Variants in PFN2 observed in about 807,000 individuals in gnomAD.
PFN2 encodes the protein profilin 2, also known as profilin-2.
A neutral mutation model predicts 15.3 loss-of-function variants in PFN2; 8 were observed. The ratio of observed to expected loss-of-function variants is 0.52; its 90% CI spans 0.31 to 0.95. The LOEUF is 0.95. Ranked by LOEUF, PFN2 falls within the 40% of genes least tolerant of loss-of-function variation. The pLI, the probability that PFN2 is intolerant of heterozygous loss-of-function variation, is 0.05. For missense variants in PFN2, 111 were observed against 182.3 expected (o/e 0.61, Z 2.25); for synonymous variants, 79 against 67.9 (o/e 1.16, Z -0.81).
rs1722680387 is a variant in PFN2, at chr3:149,966,022, T to C, written c.*467A>G. 16 of 1,475,930 alleles carry C rather than the reference T, an allele frequency of 1.1e-5. No homozygotes were observed. The highest frequency in any genetic ancestry group is 1.3e-5 in the Non-Finnish European group (15 of 1,118,474). The allele number at this position is 1,475,930 out of a possible 1,614,324, so 91.4% of individuals were successfully genotyped here. A position where few individuals can be genotyped will look rare whatever the true frequency, so the allele number is the denominator to read the frequency against. On this transcript the variant is annotated 3_prime_UTR_variant, in exon 3 of 3. Transcript: ENST00000239940. ...GGTTGGTTACATACAGTGGTTAACA[T>C]ACAAATGATCCATTGGGCAAACAGG...
intron 1 of PFN2, chr3:149,970,503 G>A (rs1284097947): frequency 2.3e-5 from 8 of 344,704 alleles, no homozygotes; most frequent in South Asian, 1.4e-4. Context: ...GGCCAGCAAG[G>A]AGTCCGGCCG....
In PFN2 at chr3:149,967,169, A is replaced by C. The variant is rs182813427; in HGVS notation, c.326-583T>G. 1.1e-3 allele frequency among the ~76,000 whole-genome samples: 170 copies of C among 152,270 alleles called. 2 individuals are homozygous for C. The East Asian group carries it at 0.016, about 14-fold the overall frequency. ...ACTTCACCGTAGTAGCCTTGTTTTT[A>C]ATTGCGTCTAAAAAAATAGGTTTAC... On this transcript the variant is annotated intron_variant, in intron 2 of 2. Coordinates refer to ENST00000239940, the MANE Select transcript of PFN2 (RefSeq NM_053024.4).
In PFN2 at chr3:149,966,436, C is replaced by G; in HGVS notation, c.*53G>C. 1 of 1,605,108 alleles carries G rather than the reference C, an allele frequency of 6.2e-7. No individual in the cohort carries two copies. Among genetic ancestry groups the G allele is most frequent in the South Asian group, 1.1e-5 (1 of 89,148 alleles). The stretch of plus-strand genomic sequence containing the variant: ...CCAGAATTAAGACTTAAGCTTATAG[C>G]TAGGAAAGTTTAAGAGCAATTTTCC... On this transcript the variant is annotated 3_prime_UTR_variant, in exon 3 of 3. Coordinates refer to ENST00000239940, the MANE Select transcript of PFN2 (RefSeq NM_053024.4).
chr3:149,970,711 C>T lies in PFN2; in HGVS notation c.132+14G>A, dbSNP rs771635643. The T allele has an allele frequency of 2.3e-4, 340 of 1,499,094 alleles. 1 individual carries two copies. Among genetic ancestry groups the T allele is most frequent in the Non-Finnish European group, 2.9e-4 (328 of 1,119,276 alleles). The allele number at this position is 1,499,094 out of a possible 1,614,324, so 92.9% of individuals were successfully genotyped here. On this transcript the variant is annotated intron_variant, in intron 1 of 2. Transcript: ENST00000239940. ...GGTGCAGGGACCAGGGTACCGGCCG[C>T]CACTGGTCCTCACCGTAATGCTCTG...
chr3:149,965,688 C>T lies in PFN2; in HGVS notation c.*801G>A, dbSNP rs1286857637. ...TGCATAAAAAAAGATGGAAGCAAAC[C>T]AAATGCCTATGTGCGAAGGGAGGGG... is the stretch of plus-strand genomic sequence containing the variant. On this transcript the variant is annotated 3_prime_UTR_variant, in exon 3 of 3. Coordinates refer to ENST00000239940, the MANE Select transcript of PFN2 (RefSeq NM_053024.4). The T allele has an allele frequency of 8.7e-6, 2 of 229,484 alleles. No individual in the cohort carries two copies. The highest frequency in any genetic ancestry group is 1.1e-5 in the Non-Finnish European group (2 of 178,790). The allele number at this position is 229,484 out of a possible 1,614,324, so 14.2% of individuals were successfully genotyped here.
chr3:149,965,720 G>GGGGGC lies in PFN2; in HGVS notation c.*768_*769insGCCCC. Reference sequence around the variant, plus strand: ...CTATGTGCGAAGGGAGGGGGGGCGGGAAAAAGAGAAGAGTGAAGGAATGAT... The same window carrying GGGGGC: ...CTATGTGCGAAGGGAGGGGGGGCGGGGGGGCAAAAAGAGAAGAGTGAAGGAATGAT... On this transcript the variant is annotated 3_prime_UTR_variant, in exon 3 of 3. Coordinates refer to ENST00000239940, the MANE Select transcript of PFN2 (RefSeq NM_053024.4). 4 of 632,082 alleles carry GGGGGC rather than the reference G, an allele frequency of 6.3e-6. No individual in the cohort carries two copies. Among genetic ancestry groups the GGGGGC allele is most frequent in the Non-Finnish European group, 7.8e-6 (4 of 510,660 alleles). The allele number at this position is 632,082 out of a possible 1,614,324, so 39.2% of individuals were successfully genotyped here. A position where few individuals can be genotyped will look rare whatever the true frequency, so the allele number is the denominator to read the frequency against.
At chr3:149,966,640 CA>C in intron 2 of PFN2, 54 bp from the exon 3 acceptor site, 10 of 1,363,028 alleles carry the variant, frequency 7.3e-6, no homozygotes, top group Non-Finnish European at 1.0e-5. Flanking sequence ...AAGAAAGTCA[CA>C]TAAGTTTTAG....
In PFN2 at chr3:149,968,512, T is replaced by C; in HGVS notation, c.171A>G (p.Glu57=). The change falls in exon 2 of 3, where the codon GAA becomes GAG. Residue 57 remains glutamate, a synonymous_variant. Coordinates refer to ENST00000239940, the MANE Select transcript of PFN2 (RefSeq NM_053024.4). ...GAGTCAAACCGTTGGTAAAGAAACC[T>C]TCCCGGTCTTTTCCTACAATCATAT... ...EIDMIVGKDR[E]GFFTNGLTLG... 6.2e-7 allele frequency: 1 copy of C among 1,613,676 alleles called. No individual in the cohort carries two copies. Among genetic ancestry groups the C allele is most frequent in the African/African-American group, 1.3e-5 (1 of 74,838 alleles).
chr3:149,966,337 C>T lies in PFN2; in HGVS notation c.*152G>A. On this transcript the variant is annotated 3_prime_UTR_variant, in exon 3 of 3. Coordinates refer to ENST00000239940, the MANE Select transcript of PFN2 (RefSeq NM_053024.4). ...GGGGGGAGGGCAGAAAGAAAGACAC[C>T]TTTCCCCACCAACAGAGGGATACAA... The T allele has an allele frequency of 6.3e-7, 1 of 1,597,466 alleles. No individual in the cohort carries two copies. Among genetic ancestry groups the T allele is most frequent in the Non-Finnish European group, 8.5e-7 (1 of 1,172,778 alleles).
chr3:149,965,207 A>G lies in PFN2; in HGVS notation c.*1282T>C. 6.6e-7 allele frequency: 1 copy of G among 1,526,578 alleles called. No homozygotes were observed. 94.6% of individuals were successfully genotyped at this position (1,526,578 alleles called of 1,614,324 possible). ...CAGTTCATTTTAACAATAGTATGGCACAGAATACATATGAAAAAAATTCAT... is the reference window on the plus strand; with the variant it reads ...CAGTTCATTTTAACAATAGTATGGCGCAGAATACATATGAAAAAAATTCAT... On this transcript the variant is annotated 3_prime_UTR_variant, in exon 3 of 3. Transcript: ENST00000239940.
At chr3:149,970,037 T>C (rs1372274576) in intron 1 of PFN2, among the ~76,000 whole-genome samples, 1 of 149,908 alleles carries the variant, frequency 6.7e-6, no homozygotes, top group Non-Finnish European at 1.5e-5. Context: ...CAGTTCGCCA[T>C]CTTGGAGAAT....
Position 149,967,239 on chromosome 3 carries a change from C to T in PFN2, c.326-653G>A, listed in dbSNP as rs532613853. 4.6e-5 allele frequency among the ~76,000 whole-genome samples: 7 copies of T among 152,180 alleles called. No individual in the cohort carries two copies. The East Asian group carries it at 9.6e-4, about 21-fold the overall frequency. On this transcript the variant is annotated intron_variant, in intron 2 of 2. Coordinates refer to ENST00000239940, the MANE Select transcript of PFN2 (RefSeq NM_053024.4). ...ATGATGCAATTCAAAGGTGTATAAC[C>T]CAAAATATATGTATATGTCAAATTT...
chr3:149,968,754 TG>T (rs1421906053), intron 1 of PFN2: 2 of 532,942 alleles, frequency 3.8e-6, no homozygotes, highest in African/African-American at 3.8e-5. Flanking sequence ...TTACATGAGT[TG>T]ATTTGACTTC....
Position 149,970,715 on chromosome 3 carries a change from T to C in PFN2, c.132+10A>G, listed in dbSNP as rs1722841115. On this transcript the variant is annotated intron_variant, in intron 1 of 2. Coordinates refer to ENST00000239940, the MANE Select transcript of PFN2 (RefSeq NM_053024.4). ...CAGGGACCAGGGTACCGGCCGCCAC[T>C]GGTCCTCACCGTAATGCTCTGAAAG... 2 of 1,501,502 alleles carry C rather than the reference T, an allele frequency of 1.3e-6. No individual in the cohort carries two copies. The highest frequency in any genetic ancestry group is 1.2e-5 in the South Asian group (1 of 80,618). The allele number at this position is 1,501,502 out of a possible 1,614,324, so 93.0% of individuals were successfully genotyped here.
At chr3:149,969,366 C>T (rs1446029240) in intron 1 of PFN2, among the ~76,000 whole-genome samples, 1 of 152,160 alleles carries the variant, frequency 6.6e-6, no homozygotes, top group African/African-American at 2.4e-5. Context: ...AAGGCGTCGC[C>T]CCCATCAGAA....
At chr3:149,968,163 C>G (rs919086541) in intron 2 of PFN2, 195 bp downstream of exon 2, 2 of 471,870 alleles carry the variant, frequency 4.2e-6, no homozygotes, top group African/African-American at 4.0e-5. Flanking sequence ...GAAACAAAAT[C>G]AGGATCTAAG....
intron 1 of PFN2, 124 bp from the exon 2 acceptor site, chr3:149,968,674 C>T (rs1022881820): frequency 1.4e-6 from 1 of 703,516 alleles, no homozygotes; most frequent in Non-Finnish European, 2.4e-6. Context: ...CAGATAGCCA[C>T]ATTTCACTAA....
intron 1 of PFN2, 169 bp downstream of exon 1, chr3:149,970,556 C>T (rs1722834189): frequency 1.8e-6 from 1 of 551,920 alleles, no homozygotes; most frequent in African/African-American, 2.0e-5. Flanking sequence ...AGGGGGCGTC[C>T]CCGGGCCTCG....
Position 149,966,290 on chromosome 3 carries a change from A to C in PFN2, c.*199T>G. 1 of 1,610,882 alleles carries C rather than the reference A, an allele frequency of 6.2e-7. No individual in the cohort carries two copies. Among genetic ancestry groups the C allele is most frequent in the Non-Finnish European group, 8.5e-7 (1 of 1,178,810 alleles). ...CTGGAGTACACAAGGAAACAAAACA[A>C]AAGTGAACAGAATTATTTTGGGGGG... On this transcript the variant is annotated 3_prime_UTR_variant, in exon 3 of 3. Transcript: ENST00000239940.
Sources: allele counts gnomAD v4.1 joint callset (sites outside exome capture counted in the v4.1 genomes callset), GRCh38; gene constraint gnomAD v4.1.1; transcripts MANE v1.5; gene names NCBI Gene and HGNC (gene_info 2026-07-23, HGNC 2026-07-21).